VGLL4: variants seen among roughly 807,000 people sequenced by gnomAD.
The protein encoded by VGLL4 is transcription cofactor vestigial-like protein 4.
A neutral mutation model predicts 21.0 loss-of-function variants in VGLL4; 7 were observed. That is an observed-to-expected ratio of 0.33 (90% CI 0.19 to 0.63). VGLL4 has a LOEUF of 0.63. Ranked by LOEUF, VGLL4 falls within the 20% of genes least tolerant of loss-of-function variation. The pLI, the probability that VGLL4 is intolerant of heterozygous loss-of-function variation, is 0.78. For missense variants in VGLL4, 394 were observed against 425.7 expected (o/e 0.93, Z 0.66); for synonymous variants, 222 against 173.2 (o/e 1.28, Z -2.21).
intron 2 of VGLL4, among the ~76,000 whole-genome samples, chr3:11,573,385 A>C (rs1180810175): frequency 6.7e-6 from 1 of 148,682 alleles, no homozygotes; most frequent in East Asian, 2.0e-4. Flanking sequence ...GAAAGAAAGA[A>C]AGAAAGAAAG....
intron 2 of VGLL4, among the ~76,000 whole-genome samples, 176 bp downstream of exon 2, chr3:11,601,657 T>A (rs1023130717): frequency 6.6e-6 from 1 of 152,248 alleles, no homozygotes. Context: ...CCGCGAGTTA[T>A]CAAAATGAGT....
intron 3 of VGLL4, among the ~76,000 whole-genome samples, chr3:11,561,781 C>G (rs1395988701): frequency 2.6e-5 from 4 of 152,138 alleles, no homozygotes; most frequent in Non-Finnish European, 4.4e-5. Context: ...AACCCCTTCA[C>G]CCGCTGTCCC....
At chr3:11,573,385 AAG>A (rs1221660756) in intron 2 of VGLL4, among the ~76,000 whole-genome samples, 2 of 148,682 alleles carry the variant, frequency 1.3e-5, no homozygotes, top group African/African-American at 4.9e-5. Flanking sequence ...GAAAGAAAGA[AAG>A]AAAGAAAGAA....
At chr3:11,605,480 G>A (rs13078528) in intron 1 of VGLL4, among the ~76,000 whole-genome samples, 140,570 of 151,518 alleles carry the variant, frequency 0.93, 65,326 homozygotes, top group Non-Finnish European at 0.95. Context: ...TTTCAGCCCA[G>A]TAAGTTAAAC....
intron 2 of VGLL4, among the ~76,000 whole-genome samples, chr3:11,673,385 G>A (rs1240158680): frequency 6.6e-6 from 1 of 151,566 alleles, no homozygotes; most frequent in African/African-American, 2.4e-5. Flanking sequence ...AAATAAAGTT[G>A]AGAAAAATCT....
At chr3:11,581,223 C>T (rs2074216165) in intron 2 of VGLL4, among the ~76,000 whole-genome samples, 1 of 152,204 alleles carries the variant, frequency 6.6e-6, no homozygotes, top group African/African-American at 2.4e-5. Context: ...TGCACCACCA[C>T]GCCTAGCTAA....
At chr3:11,637,498 A>G (rs192937388) in intron 1 of VGLL4, among the ~76,000 whole-genome samples, 2 of 152,330 alleles carry the variant, frequency 1.3e-5, no homozygotes, top group Admixed American at 6.5e-5. Context: ...GATCCTATGC[A>G]TAGCAACACA....
intron 2 of VGLL4, among the ~76,000 whole-genome samples, chr3:11,569,173 C>T (rs1462550277): frequency 6.6e-6 from 1 of 152,230 alleles, no homozygotes; most frequent in African/African-American, 2.4e-5. Context: ...GAGTTTCCCA[C>T]CCTCCAACAA....
At chr3:11,645,721 C>T (rs779372115), upstream of VGLL4, among the ~76,000 whole-genome samples, 1 of 151,956 alleles carries the variant, frequency 6.6e-6, no homozygotes, top group Non-Finnish European at 1.5e-5. Context: ...CGTGTAATCC[C>T]AGCACTCTGG....
In VGLL4 at chr3:11,565,583, A is replaced by G. The variant is rs1308410733; in HGVS notation, c.273-564T>C. ...AAGAGTGGTGGAATAATCAGCTCAG[A>G]CTCCCAGCTGACATGTGGTGGCACG... On this transcript the variant is annotated intron_variant, in intron 2 of 4. Coordinates refer to ENST00000430365, the MANE Select transcript of VGLL4 (RefSeq NM_001128219.3). The surrounding 1 kb of genome is among the most constrained non-coding windows in gnomAD (Gnocchi z 4.1). 6.6e-6 allele frequency among the ~76,000 whole-genome samples: 1 copy of G among 151,836 alleles called. No individual in the cohort carries two copies. The highest frequency in any genetic ancestry group is 1.9e-4 in the East Asian group (1 of 5,172).
chr3:11,679,920 G>A (rs898462276), intron 2 of VGLL4, among the ~76,000 whole-genome samples: 10 of 152,096 alleles, frequency 6.6e-5, no homozygotes, highest in Non-Finnish European at 1.5e-4. Context: ...CAGAGTCGTA[G>A]GACACACGAC....
At chr3:11,636,208 A>C (rs1156795010) in intron 1 of VGLL4, among the ~76,000 whole-genome samples, 5 of 152,226 alleles carry the variant, frequency 3.3e-5, no homozygotes, top group African/African-American at 1.2e-4. Flanking sequence ...ATCAGGGAAG[A>C]AGTGTAGAGT....
chr3:11,679,759 T>C (rs1326558293), intron 2 of VGLL4, among the ~76,000 whole-genome samples: 1 of 152,224 alleles, frequency 6.6e-6, no homozygotes, highest in Non-Finnish European at 1.5e-5. Context: ...ACAATGTGTT[T>C]GGTTTTAAGC....
Position 11,622,571 on chromosome 3 carries a change from G to C in VGLL4, c.83-20549C>G, listed in dbSNP as rs369138514. 1.8e-4 allele frequency among the ~76,000 whole-genome samples: 28 copies of C among 152,306 alleles called. No homozygotes were observed. The South Asian group carries it at 5.6e-3, about 30-fold the overall frequency. On this transcript the variant is annotated intron_variant, in intron 1 of 4. Transcript: ENST00000430365. ...TTCCGTCTTGACACAAGGTCAATGG[G>C]GACTAGAGTAATGAAGAAATAAAGC...
At chr3:11,664,035 T>C (rs1042962258) in intron 2 of VGLL4, among the ~76,000 whole-genome samples, 1 of 152,200 alleles carries the variant, frequency 6.6e-6, no homozygotes, top group Admixed American at 6.5e-5. Context: ...GAGGATCACC[T>C]GAGGTAAGGA....
intron 2 of VGLL4, among the ~76,000 whole-genome samples, chr3:11,658,090 C>T (rs540067017): frequency 6.9e-6 from 1 of 144,656 alleles, no homozygotes; most frequent in South Asian, 2.1e-4. Context: ...TGCACCACCA[C>T]ACCTGGCTAA....
intron 2 of VGLL4, among the ~76,000 whole-genome samples, chr3:11,587,960 G>A (rs1307903865): frequency 1.3e-5 from 2 of 152,192 alleles, no homozygotes; most frequent in South Asian, 2.1e-4. Context: ...GTGCGTTTTC[G>A]TTTTCTGTTT....
chr3:11,671,362 G>A (rs537936763), intron 2 of VGLL4: 68 of 1,128,636 alleles, frequency 6.0e-5, no homozygotes, highest in Admixed American at 3.0e-4. Context: ...CGAGGACTAC[G>A]ATTCTGCATT....
At chr3:11,626,813 A>G (rs1270307753) in intron 1 of VGLL4, among the ~76,000 whole-genome samples, 2 of 152,158 alleles carry the variant, frequency 1.3e-5, no homozygotes, top group Non-Finnish European at 2.9e-5. Context: ...CATGATAACC[A>G]AAAGTGTCTC....
Sources: gnomAD v4.1 joint callset for allele counts (sites outside exome capture counted in the v4.1 genomes callset) on GRCh38, gnomAD v4.1.1 for gene constraint, Gnocchi (gnomAD v3.1) non-coding constraint, MANE v1.5 for transcripts, NCBI Gene and HGNC (gene_info 2026-07-23, HGNC 2026-07-21) for gene names.